ADCY8: variants seen among roughly 807,000 people sequenced by gnomAD.
ADCY8 encodes adenylate cyclase 8, also known as adenylate cyclase type 8.
A neutral mutation model predicts 119.7 loss-of-function variants in ADCY8; 51 were observed. The observed-to-expected ratio is 0.43, with a 90% CI of 0.34 to 0.54. The LOEUF is 0.54. ADCY8 is among the 20% of genes least tolerant of loss of function. ADCY8 has a pLI of 0.03. For missense variants in ADCY8, 1,383 were observed against 1,598.8 expected, an observed-to-expected ratio of 0.87 and a Z score of 2.30; for synonymous variants, 665 against 651.0, an observed-to-expected ratio of 1.02 and a Z score of -0.33.
At chr8:130,837,675 T>G (rs935457936) in intron 11 of ADCY8, among the ~76,000 whole-genome samples, 2 of 152,164 alleles carry the variant, frequency 1.3e-5, no homozygotes, top group Non-Finnish European at 2.9e-5. Context: ...TAATATATCA[T>G]TCTGGATGGT....
intron 13 of ADCY8, among the ~76,000 whole-genome samples, chr8:130,820,953 C>T (rs1816490886): frequency 6.6e-6 from 1 of 152,164 alleles, no homozygotes; most frequent in Admixed American, 6.5e-5. Flanking sequence ...TCATACACTG[C>T]TGAGAGTAAG....
Position 130,956,168 on chromosome 8 carries a change from A to C in ADCY8, c.1111-4170T>G, listed in dbSNP as rs180919493. ...TCAAAAAAACAAACAAACAAACAAA[A>C]AAATCTGTGGAACTAGATTTGTATT... On this transcript the variant is annotated intron_variant, in intron 2 of 17. Coordinates refer to ENST00000286355, the MANE Select transcript of ADCY8 (RefSeq NM_001115.3). 5.0e-4 allele frequency among the ~76,000 whole-genome samples: 76 copies of C among 152,236 alleles called. 1 individual carries two copies. In the East Asian group the frequency reaches 0.013, roughly 27 times the overall value.
rs762630258 is a variant in ADCY8, at chr8:130,937,025, A to G, written c.1481+48T>C. On this transcript the variant is annotated intron_variant, in intron 5 of 17. Transcript: ENST00000286355. ...CAAAGGGTAGGTGAAGTGGCCTGTG[A>G]TCGTGCACATTGAAGACCCAGGTAA... 3.2e-6 allele frequency: 5 copies of G among 1,574,424 alleles called. No individual in the cohort carries two copies. The African/African-American group carries it at 4.0e-5, about 13-fold the overall frequency.
At chr8:131,002,545 G>T (rs1482082577) in intron 1 of ADCY8, among the ~76,000 whole-genome samples, 1 of 152,134 alleles carries the variant, frequency 6.6e-6, no homozygotes, top group Non-Finnish European at 1.5e-5. Flanking sequence ...CATGCTTCCT[G>T]CCTGCCCTTT....
chr8:130,814,311 AG>A, intron 13 of ADCY8, 84 bp from the exon 14 acceptor site: 2 of 1,451,346 alleles, frequency 1.4e-6, no homozygotes, highest in Non-Finnish European at 9.4e-7. Flanking sequence ...GAGGCAGGAA[AG>A]GCTTCTCTGG....
intron 13 of ADCY8, among the ~76,000 whole-genome samples, chr8:130,818,447 T>C (rs1007742429): frequency 2.0e-5 from 3 of 152,212 alleles, no homozygotes. Flanking sequence ...GCTGTCTCTG[T>C]TCAATGTTGA....
At chr8:130,954,017 C>T (rs1283636748) in intron 2 of ADCY8, among the ~76,000 whole-genome samples, 1 of 152,122 alleles carries the variant, frequency 6.6e-6, no homozygotes, top group African/African-American at 2.4e-5. Flanking sequence ...CTAATTACAG[C>T]TGTGAGGGGC....
chr8:130,831,315 T>C (rs1357047364), intron 12 of ADCY8, among the ~76,000 whole-genome samples: 1 of 152,236 alleles, frequency 6.6e-6, no homozygotes, highest in Non-Finnish European at 1.5e-5. Context: ...GCTTACTATA[T>C]GAACATGAGT....
At chr8:130,786,242 A>G (rs1331522902) in intron 15 of ADCY8, among the ~76,000 whole-genome samples, 1 of 152,218 alleles carries the variant, frequency 6.6e-6, no homozygotes, top group Non-Finnish European at 1.5e-5. Context: ...CTCAGCACCT[A>G]GACAGACTGT....
chr8:130,981,125 T>C (rs1822227621), intron 2 of ADCY8, among the ~76,000 whole-genome samples: 2 of 152,320 alleles, frequency 1.3e-5, no homozygotes, highest in Middle Eastern at 3.4e-3. Context: ...TCTAAAAACA[T>C]TGCTTTCAAA....
chr8:130,943,372 G>A lies in ADCY8; in HGVS notation c.1332C>T (p.Ala444=), dbSNP rs771653595. 1 of 1,611,206 alleles carries A rather than the reference G, an allele frequency of 6.2e-7. No individual in the cohort carries two copies. The highest frequency in any genetic ancestry group is 8.5e-7 in the Non-Finnish European group (1 of 1,178,374). The stretch of plus-strand genomic sequence containing the variant: ...TCACATGGGCCAGTCGATCAAATCT[G>A]GCAAAGAGCTCGTTGAGCATCCTGA... ...ELVRMLNELF[A]RFDRLAHEHH... Residue 444 remains alanine, a synonymous_variant, in exon 4 of 18, where the codon GCC becomes GCT. Transcript: ENST00000286355.
At chr8:130,843,005 G>A (rs1188757100) in intron 11 of ADCY8, among the ~76,000 whole-genome samples, 1 of 151,822 alleles carries the variant, frequency 6.6e-6, no homozygotes, top group Non-Finnish European at 1.5e-5. Flanking sequence ...TTGATTGGGT[G>A]CCAGACATTG....
rs568175803 is a variant in ADCY8 at position 130,851,450 on chromosome 8, A to T, written c.2211-1647T>A. The stretch of plus-strand genomic sequence containing the variant: ...ATGAGCAAAACATCAGAAGAATGGG[A>T]GTGACCAGTGTCTTCAGAGTTTCCC... On this transcript the variant is annotated intron_variant, in intron 9 of 17. Coordinates refer to ENST00000286355, the MANE Select transcript of ADCY8 (RefSeq NM_001115.3). Among the ~76,000 whole-genome samples the T allele has an allele frequency of 2.6e-5, 4 of 152,214 alleles. No individual in the cohort carries two copies. The South Asian group carries it at 6.2e-4, about 24-fold the overall frequency.
chr8:130,958,243 G>A (rs1056266643), intron 2 of ADCY8, among the ~76,000 whole-genome samples: 1 of 152,242 alleles, frequency 6.6e-6, no homozygotes, highest in Non-Finnish European at 1.5e-5. Flanking sequence ...TTATAAGCAA[G>A]TGGGTAGTAA....
chr8:130,836,166 A>C, intron 12 of ADCY8, 111 bp downstream of exon 12: 1 of 1,209,134 alleles, frequency 8.3e-7, no homozygotes, highest in Non-Finnish European at 1.1e-6. Flanking sequence ...ATATAAGTCA[A>C]TATCCAATCA....
chr8:130,835,919 A>C (rs16904369), intron 12 of ADCY8, among the ~76,000 whole-genome samples: 86 of 152,170 alleles, frequency 5.7e-4, no homozygotes, highest in Middle Eastern at 3.4e-3. Flanking sequence ...GGAGAGCATG[A>C]GGGCTTAATA....
chr8:130,815,189 GC>G (rs1478251174), intron 13 of ADCY8, among the ~76,000 whole-genome samples: 1 of 152,130 alleles, frequency 6.6e-6, no homozygotes, highest in Admixed American at 6.5e-5. Flanking sequence ...CCAAATAAGA[GC>G]CCTCATCAGA....
At chr8:130,961,239 G>C (rs1205640084) in intron 2 of ADCY8, among the ~76,000 whole-genome samples, 6 of 152,062 alleles carry the variant, frequency 3.9e-5, no homozygotes, top group Admixed American at 6.6e-5. Flanking sequence ...CTTCTGAGTA[G>C]CTGGGATTAC....
chr8:131,030,038 G>A (rs1430068017), intron 1 of ADCY8, among the ~76,000 whole-genome samples: 3 of 152,314 alleles, frequency 2.0e-5, no homozygotes, highest in Non-Finnish European at 4.4e-5. Flanking sequence ...ATAGTCTGGT[G>A]GGCATGTGAG....
Sources: gnomAD v4.1 joint callset for allele counts (sites outside exome capture counted in the v4.1 genomes callset) on GRCh38, gnomAD v4.1.1 for gene constraint, MANE v1.5 for transcripts, NCBI Gene and HGNC (gene_info 2026-07-23, HGNC 2026-07-21) for gene names.